Variants in NABP1 observed in about 807,000 individuals in gnomAD.
The protein encoded by NABP1 is nucleic acid binding protein 1.
NABP1 carries 18 observed loss-of-function variants against 25.0 expected under a neutral mutation model. That is an observed-to-expected ratio of 0.72 (90% CI 0.50 to 1.07). The LOEUF is 1.07. Ranked by LOEUF, NABP1 falls within the 50% of genes least tolerant of loss-of-function variation. The pLI is 0.00. For synonymous variants in NABP1, 71 were observed against 85.0 expected (o/e 0.84, Z 0.91); for missense variants, 270 against 255.6 (o/e 1.06, Z -0.39).
rs148232402 is a variant in NABP1 at position 191,681,000 on chromosome 2, A to G, written c.231-946A>G. On this transcript the variant is annotated intron_variant, in intron 2 of 5. Transcript: ENST00000425611. ...AACATGTTTATCAGAATACCCTGAAAACTTACCTCAGTGTTCTCATTTCTT... is the reference window on the plus strand; with the variant it reads ...AACATGTTTATCAGAATACCCTGAAGACTTACCTCAGTGTTCTCATTTCTT... 3.6e-3 allele frequency among the ~76,000 whole-genome samples: 555 copies of G among 152,276 alleles called. 3 individuals carry two copies. The highest frequency in any genetic ancestry group is 0.013 in the African/African-American group (520 of 41,566).
In NABP1 at chr2:191,678,602, C is replaced by G. The variant is rs1388778338; in HGVS notation, c.-13C>G. On this transcript the variant is annotated 5_prime_UTR_variant, in exon 1 of 6. Coordinates refer to ENST00000425611, the MANE Select transcript of NABP1 (RefSeq NM_001031716.5). The stretch of plus-strand genomic sequence containing the variant: ...ACTCGCGTCTCCGCAGCCGTAGCCG[C>G]GCCTGTCCCAATATGAATAGGGTCA... 1 of 1,601,476 alleles carries G rather than the reference C, an allele frequency of 6.2e-7. No homozygotes were observed. The highest frequency in any genetic ancestry group is 1.7e-5 in the Admixed American group (1 of 59,166).
chr2:191,685,219 AC>A (rs1429915907), intron 5 of NABP1: 1 of 167,806 alleles, frequency 6.0e-6, no homozygotes, highest in African/African-American at 2.4e-5. Context: ...ATTGTGGGAA[AC>A]GCTGCCTTTG....
chr2:191,684,431 A>C (rs572899387), intron 5 of NABP1, 135 bp downstream of exon 5: 1 of 529,674 alleles, frequency 1.9e-6, no homozygotes, highest in East Asian at 3.2e-5. Flanking sequence ...GGGAATCCCC[A>C]AAGGGCTGAT....
intron 2 of NABP1, among the ~76,000 whole-genome samples, chr2:191,680,343 G>GTGT (rs1687652909): frequency 6.6e-6 from 1 of 152,182 alleles, no homozygotes; most frequent in South Asian, 2.1e-4. Flanking sequence ...GAGCTCCTTG[G>GTGT]TGTTACCTTG....
At position 191,685,602 on chromosome 2, in the gene NABP1, ATGGTGTTCACAC is replaced by A. The variant is rs1313648692; in HGVS notation, c.453_464del (p.Val152_Gly155del). 17 of 1,609,962 alleles carry A rather than the reference ATGGTGTTCACAC, an allele frequency of 1.1e-5. No homozygotes were observed. The highest frequency in any genetic ancestry group is 2.7e-5 in the African/African-American group (2 of 74,730). On this transcript the variant is annotated inframe_deletion, in exon 6 of 6. Transcript: ENST00000425611. ...GAATTTTTGTATTCTTTTTTAGGAA[ATGGTGTTCACAC>A]TGGCCCTGAATCAAGGGAACACCAG...
chr2:191,682,118 T>A, intron 3 of NABP1, 101 bp downstream of exon 3: 1 of 625,376 alleles, frequency 1.6e-6, no homozygotes, highest in Non-Finnish European at 2.6e-6. Context: ...CTTTTTTGAC[T>A]AGTAAACTGA....
In NABP1 at chr2:191,678,696, C is replaced by T; in HGVS notation, c.82C>T (p.Leu28=). The T allele has an allele frequency of 6.2e-7, 1 of 1,613,108 alleles. No homozygotes were observed. The highest frequency in any genetic ancestry group is 1.1e-5 in the South Asian group (1 of 91,042). ...AAACTTAAATGTCGTCTTTATTGTC[C>T]TGGAGATAGGTAAGTGGGGTTTGCA... ...LKNLNVVFIV[L]EIGRVTKTKD... The change falls in exon 1 of 6, where the codon CTG becomes TTG. Residue 28 remains leucine (L), a synonymous_variant. Coordinates refer to ENST00000425611, the MANE Select transcript of NABP1 (RefSeq NM_001031716.5).
chr2:191,678,839 C>T (rs1435339519), intron 1 of NABP1, 134 bp downstream of exon 1: 16 of 1,248,362 alleles, frequency 1.3e-5, no homozygotes, highest in Admixed American at 4.2e-5. Context: ...CTAGTGGCCT[C>T]CGCCCGAGAT....
intron 2 of NABP1, among the ~76,000 whole-genome samples, chr2:191,680,384 A>G (rs1169617001): frequency 1.3e-5 from 2 of 152,208 alleles, no homozygotes; most frequent in African/African-American, 4.8e-5. Flanking sequence ...GAAGTGAGGT[A>G]AAGTGTCATC....
Position 191,679,053 on chromosome 2 carries a change from G to A in NABP1, c.155G>A (p.Gly52Asp), listed in dbSNP as rs1687591273. ...TCGTGCAAAGTAGCAGATAAAACGG[G>A]CAGCATCACTATTTCCGTGTGGGAT... Reference protein sequence around the residue: ...VRSCKVADKTGSITISVWDEI... With the variant: ...VRSCKVADKTDSITISVWDEI... The change falls in exon 2 of 6, where the codon GGC (glycine) becomes GAC (aspartate). Residue 52 changes from glycine to aspartate, a missense_variant. Physicochemically the swap from Gly to Asp is moderately conservative, Grantham distance 94 (BLOSUM62 -1). Transcript: ENST00000425611. 3 of 1,614,214 alleles carry A rather than the reference G, an allele frequency of 1.9e-6. No individual in the cohort carries two copies. The South Asian group carries it at 3.3e-5, about 18-fold the overall frequency.
At chr2:191,680,212 C>T (rs2105640599) in intron 2 of NABP1, among the ~76,000 whole-genome samples, 1 of 152,166 alleles carries the variant, frequency 6.6e-6, no homozygotes, top group South Asian at 2.1e-4. Flanking sequence ...AATTTGGAAG[C>T]TTTTGAGATC....
At position 191,678,571 on chromosome 2, in the gene NABP1, C is replaced by T; in HGVS notation, c.-44C>T. 1.4e-6 allele frequency: 2 copies of T among 1,465,068 alleles called. No individual in the cohort carries two copies. Among genetic ancestry groups the T allele is most frequent in the Non-Finnish European group, 9.5e-7 (1 of 1,054,272 alleles). The allele number at this position is 1,465,068 out of a possible 1,614,324, so 90.8% of individuals were successfully genotyped here. On this transcript the variant is annotated 5_prime_UTR_variant, in exon 1 of 6. Transcript: ENST00000425611. ...GAGGGTGGGAAGCTTTGACCCCGCC[C>T]TGCCCACTCGCGTCTCCGCAGCCGT...
chr2:191,683,394 G>A lies in NABP1; in HGVS notation c.303-335G>A, dbSNP rs1687736615. The A allele has an allele frequency of 1.7e-5, 5 of 295,928 alleles. No individual in the cohort carries two copies. Among genetic ancestry groups the A allele is most frequent in the South Asian group, 1.2e-4 (4 of 33,686 alleles). The allele number at this position is 295,928 out of a possible 1,614,324, so 18.3% of individuals were successfully genotyped here. ...AAACCACCCTGGAACCCTAAACATG[G>A]TTCACTCTCATGTTATTTTTCCTTT... On this transcript the variant is annotated intron_variant, in intron 3 of 5. Transcript: ENST00000425611. This position sits in a 1 kb window ranked among gnomAD's most constrained non-coding sequence, Gnocchi z 4.1.
At chr2:191,681,821 G>C in intron 2 of NABP1, 125 bp from the exon 3 acceptor site, 1 of 466,456 alleles carries the variant, frequency 2.1e-6, no homozygotes, top group Admixed American at 4.3e-5. Context: ...TTACTATGGT[G>C]GATAGAGAGG....
Position 191,685,749 on chromosome 2 carries a change from G to A in NABP1, c.596G>A (p.Arg199Gln), listed in dbSNP as rs142344259. 120 of 1,613,850 alleles carry A rather than the reference G, an allele frequency of 7.4e-5. 1 individual carries two copies. Among genetic ancestry groups the A allele is most frequent in the Admixed American group, 4.8e-4 (29 of 59,968 alleles). ...MTTISNGRDP[R>Q]RAFKR ...ACAATAAGTAATGGCAGGGACCCTC[G>A]GAGAGCCTTTAAAAGATGACCTATG... Residue 199 changes from arginine (R) to glutamine (Q), a missense_variant, in exon 6 of 6, where the codon CGG (arginine) becomes CAG (glutamine). By Grantham distance (43) the Arg-to-Gln change is conservative. Transcript: ENST00000425611.
intron 5 of NABP1, among the ~76,000 whole-genome samples, chr2:191,684,689 C>T (rs1389352230): frequency 3.9e-5 from 6 of 152,060 alleles, no homozygotes; most frequent in East Asian, 3.8e-4. Context: ...TGAGCTGAGC[C>T]GTTTAAAGGC....
chr2:191,683,892 A>G lies in NABP1; in HGVS notation c.378+88A>G. The G allele has an allele frequency of 1.0e-6, 1 of 997,138 alleles. No homozygotes were observed. Among genetic ancestry groups the G allele is most frequent in the Non-Finnish European group, 1.5e-6 (1 of 663,210 alleles). The allele number at this position is 997,138 out of a possible 1,614,324, so 61.8% of individuals were successfully genotyped here. Reference sequence around the variant, plus strand: ...GGCTAGCCCTGTTGATACTTAGTATAAAGAAGATAATTTTTAAAAGGATAC... The same window carrying G: ...GGCTAGCCCTGTTGATACTTAGTATGAAGAAGATAATTTTTAAAAGGATAC... On this transcript the variant is annotated intron_variant, in intron 4 of 5. Coordinates refer to ENST00000425611, the MANE Select transcript of NABP1 (RefSeq NM_001031716.5). The surrounding 1 kb of genome is among the most constrained non-coding windows in gnomAD (Gnocchi z 4.1).
chr2:191,679,167 A>G (rs1227007562), intron 2 of NABP1, 39 bp downstream of exon 2: 1 of 1,612,886 alleles, frequency 6.2e-7, no homozygotes. Flanking sequence ...AACAGTCTGC[A>G]GAATCGGGAT....
At chr2:191,680,250 C>T (rs984906446) in intron 2 of NABP1, among the ~76,000 whole-genome samples, 2 of 152,088 alleles carry the variant, frequency 1.3e-5, no homozygotes, top group Non-Finnish European at 2.9e-5. Context: ...TTATCATTAA[C>T]TGCAGGGAAA....
Sources: gnomAD v4.1 joint callset for allele counts (sites outside exome capture counted in the v4.1 genomes callset) on GRCh38, gnomAD v4.1.1 for gene constraint, Gnocchi (gnomAD v3.1) non-coding constraint, MANE v1.5 for transcripts, NCBI Gene and HGNC (gene_info 2026-07-23, HGNC 2026-07-21) for gene names.